Variants in KAT6A observed in about 807,000 individuals in gnomAD.
KAT6A encodes the protein lysine acetyltransferase 6A, also known as histone acetyltransferase KAT6A.
Under a neutral mutation model 198.4 loss-of-function variants are expected in KAT6A, and 9 were observed. That is an observed-to-expected ratio of 0.05 (90% confidence interval 0.03 to 0.08). The LOEUF is 0.08. Among genes scored for constraint, KAT6A ranks in the 10% least tolerant of loss-of-function variants. The pLI is 1.00. For missense variants in KAT6A, 2,077 were observed against 2,509.9 expected (o/e 0.83, Z 3.69); for synonymous variants, 890 against 883.0 (o/e 1.01, Z -0.14).
chr8:42,018,161 G>A (rs1264857571), intron 2 of KAT6A, among the ~76,000 whole-genome samples: 4 of 152,160 alleles, frequency 2.6e-5, no homozygotes, highest in Admixed American at 2.6e-4. Flanking sequence ...TCTAAGCTCT[G>A]TAAAGAAATT....
At chr8:42,032,317 C>T (rs1827172382) in intron 2 of KAT6A, among the ~76,000 whole-genome samples, 1 of 152,078 alleles carries the variant, frequency 6.6e-6, no homozygotes, top group African/African-American at 2.4e-5. Context: ...CCTGGACTGC[C>T]TATCTTTTGT....
In KAT6A at chr8:41,937,449, G is replaced by C. The variant is rs759875492; in HGVS notation, c.3159C>G (p.Asp1053Glu). ...EVLDEPFEDS[D>E]SERPMPRLEP... ...CTAATCTTGGCATTGGCCTCTCGGAGTCAGAATCTTCAAAAGGTTCATCTA... is the reference window on the plus strand; with the variant it reads ...CTAATCTTGGCATTGGCCTCTCGGACTCAGAATCTTCAAAAGGTTCATCTA... Residue 1053 changes from aspartate to glutamate, a missense_variant, in exon 16 of 17, where the codon GAC becomes GAG. By Grantham distance (45) the Asp-to-Glu change is conservative (BLOSUM62 2). Coordinates refer to ENST00000265713, the MANE Select transcript of KAT6A (RefSeq NM_006766.5). 6.2e-7 allele frequency: 1 copy of C among 1,614,124 alleles called. No homozygotes were observed. The highest frequency in any genetic ancestry group is 8.5e-7 in the Non-Finnish European group (1 of 1,180,012).
chr8:41,950,559 A>T (rs1317556164), intron 9 of KAT6A, among the ~76,000 whole-genome samples: 1 of 152,236 alleles, frequency 6.6e-6, no homozygotes, highest in East Asian at 1.9e-4. Context: ...ACACTATCTG[A>T]GTACAGTTTC....
Position 42,049,101 on chromosome 8 carries a change from TG to T in KAT6A, c.-125del. The T allele has an allele frequency of 9.9e-7, 1 of 1,008,376 alleles. No individual in the cohort carries two copies. The highest frequency in any genetic ancestry group is 1.5e-6 in the Non-Finnish European group (1 of 686,650). The allele number at this position is 1,008,376 out of a possible 1,614,324, so 62.5% of individuals were successfully genotyped here. ...AGTTAACCATAGCATATGAGTTTTCTGGCCTAAGTCCTTCCTCCTTTCACAA... is the reference window on the plus strand; with the variant it reads ...AGTTAACCATAGCATATGAGTTTTCTGCCTAAGTCCTTCCTCCTTTCACAA... On this transcript the variant is annotated 5_prime_UTR_variant, in exon 2 of 17. Coordinates refer to ENST00000265713, the MANE Select transcript of KAT6A (RefSeq NM_006766.5).
chr8:42,048,955 A>G lies in KAT6A; in HGVS notation c.23T>C (p.Leu8Pro). ...GGCCTCCAAAATCCACTCAGTATAA[A>G]GCGGGTTTGCGAGTTTTACCATGGT... is the stretch of plus-strand genomic sequence containing the variant. MVKLANP[L>P]YTEWILEAIK... Residue 8 changes from leucine to proline, a missense_variant, in exon 2 of 17, where the codon CTT (leucine) becomes CCT (proline). Physicochemically the swap from Leu to Pro is moderately conservative, Grantham distance 98. Coordinates refer to ENST00000265713, the MANE Select transcript of KAT6A (RefSeq NM_006766.5). 6.2e-7 allele frequency: 1 copy of G among 1,613,156 alleles called. No individual in the cohort carries two copies. Among genetic ancestry groups the G allele is most frequent in the Non-Finnish European group, 8.5e-7 (1 of 1,179,676 alleles).
intron 7 of KAT6A, among the ~76,000 whole-genome samples, chr8:41,975,480 C>G (rs542273117): frequency 1.2e-4 from 19 of 152,288 alleles, no homozygotes; most frequent in Middle Eastern, 6.8e-3. Context: ...CTCATTTGCT[C>G]TCTTTATAAG....
intron 2 of KAT6A, among the ~76,000 whole-genome samples, chr8:42,041,527 A>C (rs1343876378): frequency 1.3e-5 from 2 of 152,180 alleles, no homozygotes; most frequent in Non-Finnish European, 2.9e-5. Context: ...ACCTGAGGTC[A>C]GGAGTTCGAG....
intron 2 of KAT6A, among the ~76,000 whole-genome samples, chr8:42,014,491 G>A (rs1249981245): frequency 3.3e-5 from 5 of 152,196 alleles, no homozygotes; most frequent in Non-Finnish European, 7.3e-5. Context: ...AAGAGGCTAT[G>A]CTCTCTTTTA....
chr8:41,935,615 A>G (rs933879361), intron 16 of KAT6A, among the ~76,000 whole-genome samples: 1 of 152,182 alleles, frequency 6.6e-6, no homozygotes, highest in Admixed American at 6.5e-5. Flanking sequence ...AACCATTTAT[A>G]AGTGTTAAGT....
Position 41,994,209 on chromosome 8 carries a change from A to G in KAT6A, c.601-6646T>C, listed in dbSNP as rs954790211. 2.0e-5 allele frequency among the ~76,000 whole-genome samples: 3 copies of G among 152,234 alleles called. 1 individual carries two copies. Among genetic ancestry groups the G allele is most frequent in the East Asian group, 1.9e-4 (1 of 5,196 alleles). On this transcript the variant is annotated intron_variant, in intron 2 of 16. Transcript: ENST00000265713. ...AAAAGGTTGTAGCAAATGACTTTAC[A>G]CACCATTAAACACAGCAGCCACAGT...
rs747389157 is a variant in KAT6A, at chr8:41,940,967, G to A, written c.2914C>T (p.Arg972Cys). ...LTEGSERLPR[R>C]YSEGDRAVLR... ...ACAGCCCTGTCACCCTCACTGTAGC[G>A]ACGGGGCAGCCTCTCACTTCCTTCT... The change falls in exon 15 of 17, where the codon CGC (arginine) becomes TGC (cysteine). Residue 972 changes from arginine to cysteine, a missense_variant. Physicochemically the swap from Arg to Cys is radical, Grantham distance 180 (BLOSUM62 -3). Transcript: ENST00000265713. 1.7e-5 allele frequency: 28 copies of A among 1,614,034 alleles called. No individual in the cohort carries two copies. The highest frequency in any genetic ancestry group is 3.3e-5 in the South Asian group (3 of 91,086).
At chr8:42,013,101 T>C (rs550066186) in intron 2 of KAT6A, among the ~76,000 whole-genome samples, 2 of 152,008 alleles carry the variant, frequency 1.3e-5, no homozygotes, top group East Asian at 3.9e-4. Context: ...ATAATGGATC[T>C]TTCCTATATC....
intron 2 of KAT6A, among the ~76,000 whole-genome samples, chr8:42,007,983 A>AAG (rs1215407911): frequency 1.3e-5 from 2 of 151,054 alleles, no homozygotes; most frequent in Non-Finnish European, 2.9e-5. Flanking sequence ...AAAAAAAAAA[A>AAG]AAAATTTTTA....
At chr8:42,010,351 T>C (rs1256245760) in intron 2 of KAT6A, among the ~76,000 whole-genome samples, 1 of 152,170 alleles carries the variant, frequency 6.6e-6, no homozygotes, top group African/African-American at 2.4e-5. Flanking sequence ...CTCTATGTAC[T>C]TGTTGAGTAA....
intron 2 of KAT6A, among the ~76,000 whole-genome samples, chr8:42,027,946 G>GC (rs1205675696): frequency 6.6e-6 from 1 of 151,974 alleles, no homozygotes; most frequent in African/African-American, 2.4e-5. Context: ...CTCTGCTTTT[G>GC]CTATATCCCA....
At chr8:41,998,362 T>C (rs1364636475) in intron 2 of KAT6A, among the ~76,000 whole-genome samples, 1 of 152,150 alleles carries the variant, frequency 6.6e-6, no homozygotes, top group Non-Finnish European at 1.5e-5. Flanking sequence ...TGTTGGAAAG[T>C]GTTCATACTT....
chr8:41,971,718 G>C (rs888642932), intron 8 of KAT6A, among the ~76,000 whole-genome samples: 3 of 151,902 alleles, frequency 2.0e-5, no homozygotes, highest in Non-Finnish European at 4.4e-5. Flanking sequence ...CCTGGCCGCT[G>C]TATGAAGAAA....
At chr8:42,005,986 C>CA (rs1205037252) in intron 2 of KAT6A, among the ~76,000 whole-genome samples, 2 of 152,152 alleles carry the variant, frequency 1.3e-5, no homozygotes, top group African/African-American at 4.8e-5. Context: ...CTGTATTCTG[C>CA]AAAAAAGCCT....
At chr8:42,002,488 G>A (rs920681658) in intron 2 of KAT6A, among the ~76,000 whole-genome samples, 1 of 152,140 alleles carries the variant, frequency 6.6e-6, no homozygotes, top group Non-Finnish European at 1.5e-5. Flanking sequence ...TTGAACCTGG[G>A]GGGTGGAGGT....
Sources: gnomAD v4.1 joint callset for allele counts (sites outside exome capture counted in the v4.1 genomes callset) on GRCh38, gnomAD v4.1.1 for gene constraint, MANE v1.5 for transcripts, NCBI Gene and HGNC (gene_info 2026-07-23, HGNC 2026-07-21) for gene names.